WBP1L: variants seen among roughly 807,000 people sequenced by gnomAD.
WBP1L encodes the protein WW domain binding protein 1 like, also known as WW domain binding protein 1-like.
Under a neutral mutation model 33.7 loss-of-function variants are expected in WBP1L, and 17 were observed. The observed-to-expected ratio is 0.50, with a 90% CI of 0.34 to 0.76. The LOEUF (loss-of-function observed/expected upper bound fraction) is 0.76, where lower values mean the gene tolerates loss of function less well. Among genes scored for constraint, WBP1L ranks in the 30% least tolerant of loss-of-function variants. The pLI, the probability that WBP1L is intolerant of heterozygous loss-of-function variation, is 0.01. For missense variants in WBP1L, 389 were observed against 469.4 expected, an observed-to-expected ratio of 0.83 and a Z score of 1.58; for synonymous variants, 173 against 190.8, an observed-to-expected ratio of 0.91 and a Z score of 0.77.
chr10:102,767,936 C>T (rs1219123801), intron 1 of WBP1L, among the ~76,000 whole-genome samples: 1 of 152,140 alleles, frequency 6.6e-6, no homozygotes, highest in African/African-American at 2.4e-5. Flanking sequence ...TTTGCGTCAT[C>T]TTTTTCTGCC....
chr10:102,755,036 G>A (rs981622334), intron 1 of WBP1L, among the ~76,000 whole-genome samples: 15 of 151,496 alleles, frequency 9.9e-5, no homozygotes, highest in East Asian at 1.9e-4. Flanking sequence ...TGCAACCTCC[G>A]CCTCCTGGGT....
At chr10:102,792,462 C>A (rs1843512766) in intron 1 of WBP1L, among the ~76,000 whole-genome samples, 1 of 152,098 alleles carries the variant, frequency 6.6e-6, no homozygotes, top group African/African-American at 2.4e-5. Context: ...CAGAGTGGTC[C>A]CCACCTACCT....
chr10:102,744,994 G>A (rs1456560265), intron 1 of WBP1L, among the ~76,000 whole-genome samples: 1 of 152,196 alleles, frequency 6.6e-6, no homozygotes, highest in Admixed American at 6.5e-5. Context: ...CGTTACTCCT[G>A]GTGCCAAGTT....
chr10:102,756,743 C>T (rs1176368016), intron 1 of WBP1L, among the ~76,000 whole-genome samples: 7 of 151,970 alleles, frequency 4.6e-5, no homozygotes, highest in Non-Finnish European at 4.4e-5. Context: ...CGTTGTTCTC[C>T]GGTATGGTTG....
intron 1 of WBP1L, among the ~76,000 whole-genome samples, chr10:102,756,268 G>A (rs1196838527): frequency 2.6e-5 from 4 of 152,098 alleles, no homozygotes; most frequent in Non-Finnish European, 5.9e-5. Context: ...AAGTTAGCCA[G>A]GCATGGTGGC....
At chr10:102,754,368 T>C (rs957845086) in intron 1 of WBP1L, among the ~76,000 whole-genome samples, 12 of 152,224 alleles carry the variant, frequency 7.9e-5, no homozygotes, top group Non-Finnish European at 1.6e-4. Flanking sequence ...TCCTTAGAGC[T>C]GATTGCTGCT....
chr10:102,754,210 T>C (rs1424756237), intron 1 of WBP1L, among the ~76,000 whole-genome samples: 1 of 152,230 alleles, frequency 6.6e-6, no homozygotes, highest in Non-Finnish European at 1.5e-5. Context: ...AATTGAATAG[T>C]GTGAGTTCAT....
At chr10:102,783,060 A>G (rs1843360599) in intron 1 of WBP1L, among the ~76,000 whole-genome samples, 3 of 152,176 alleles carry the variant, frequency 2.0e-5, no homozygotes, top group Admixed American at 2.0e-4. Flanking sequence ...CCCACCAGGC[A>G]GGCAGTGGTT....
intron 1 of WBP1L, among the ~76,000 whole-genome samples, chr10:102,759,552 G>A (rs1843013577): frequency 6.6e-6 from 1 of 152,136 alleles, no homozygotes. Context: ...CCATTTTATA[G>A]ATATACTCCA....
chr10:102,765,718 T>TA (rs1394618110), intron 1 of WBP1L, among the ~76,000 whole-genome samples: 4 of 152,194 alleles, frequency 2.6e-5, no homozygotes, highest in African/African-American at 9.7e-5. Context: ...ATCTAAAACA[T>TA]AAAGTGTGAA....
intron 1 of WBP1L, among the ~76,000 whole-genome samples, chr10:102,771,053 T>A (rs565527489): frequency 3.3e-4 from 50 of 152,230 alleles, no homozygotes; most frequent in Non-Finnish European, 5.6e-4. Context: ...CATCATAGGG[T>A]TGTTGTGGCT....
intron 2 of WBP1L, among the ~76,000 whole-genome samples, chr10:102,800,838 C>T (rs1043471568): frequency 6.6e-6 from 1 of 152,160 alleles, no homozygotes; most frequent in African/African-American, 2.4e-5. Context: ...GTGAAAGTCA[C>T]GGGCTTTGGG....
At position 102,812,582 on chromosome 10, in the gene WBP1L, C is replaced by T. The variant is rs1199833362; in HGVS notation, c.356-13C>T. 3 of 1,555,830 alleles carry T rather than the reference C, an allele frequency of 1.9e-6. No homozygotes were observed. In the African/African-American group the frequency reaches 4.1e-5, roughly 21 times the overall value. On this transcript the variant is annotated splice_polypyrimidine_tract_variant and intron_variant, in intron 3 of 3. Coordinates refer to ENST00000448841, the MANE Select transcript of WBP1L (RefSeq NM_001083913.2). ...CAGTGCAGTAATTTCTCCTTCCTACCTCCCCATTTTAGGGTTTTTGCCAAA... is the reference window on the plus strand; with the variant it reads ...CAGTGCAGTAATTTCTCCTTCCTACTTCCCCATTTTAGGGTTTTTGCCAAA...
chr10:102,784,582 C>T (rs1193390282), intron 1 of WBP1L, among the ~76,000 whole-genome samples: 5 of 151,802 alleles, frequency 3.3e-5, no homozygotes, highest in South Asian at 4.2e-4. Flanking sequence ...CCCGCCACCA[C>T]ACCCGGCTAA....
At chr10:102,762,418 GC>G (rs1359231922) in intron 1 of WBP1L, among the ~76,000 whole-genome samples, 3 of 151,994 alleles carry the variant, frequency 2.0e-5, no homozygotes, top group African/African-American at 7.3e-5. Flanking sequence ...TAAGTAATTA[GC>G]CCTCAGGAAG....
intron 1 of WBP1L, among the ~76,000 whole-genome samples, chr10:102,780,543 C>G (rs1402422178): frequency 1.3e-5 from 2 of 152,204 alleles, no homozygotes; most frequent in Non-Finnish European, 2.9e-5. Context: ...GAGCAACACT[C>G]AGCATCTGAA....
chr10:102,792,590 TTC>T (rs1843516550), intron 1 of WBP1L, among the ~76,000 whole-genome samples: 2 of 140,214 alleles, frequency 1.4e-5, no homozygotes, highest in South Asian at 2.2e-4. Context: ...TTTTTTTCTT[TTC>T]TTTTTTTTTT....
chr10:102,794,778 G>C (rs915693032), intron 1 of WBP1L, among the ~76,000 whole-genome samples: 1 of 152,094 alleles, frequency 6.6e-6, no homozygotes, highest in Non-Finnish European at 1.5e-5. Context: ...TGCGAGGAGA[G>C]CTGGGGCCAA....
intron 1 of WBP1L, among the ~76,000 whole-genome samples, chr10:102,788,389 C>T (rs1197354048): frequency 2.0e-5 from 3 of 152,016 alleles, no homozygotes; most frequent in Non-Finnish European, 4.4e-5. Flanking sequence ...GGATTACAGG[C>T]ATGAGCCACC....
Sources: gnomAD v4.1 joint callset for allele counts (sites outside exome capture counted in the v4.1 genomes callset) on GRCh38, gnomAD v4.1.1 for gene constraint, MANE v1.5 for transcripts, NCBI Gene and HGNC (gene_info 2026-07-23, HGNC 2026-07-21) for gene names.